Variants in SNX29 observed in about 807,000 individuals in gnomAD.
The protein encoded by SNX29 is sorting nexin-29.
SNX29 carries 78 observed loss-of-function variants against 102.1 expected under a neutral mutation model. The observed-to-expected ratio is 0.76, with a 90% CI of 0.64 to 0.92. The LOEUF (loss-of-function observed/expected upper bound fraction) is 0.92, where lower values mean the gene tolerates loss of function less well. SNX29 is among the 40% of genes least tolerant of loss of function. The probability of loss-of-function intolerance (pLI) is 0.00; values close to 1 mark genes in which losing one functional copy is unlikely to be tolerated. For synonymous variants in SNX29, 580 were observed against 414.5 expected (o/e 1.40, Z -4.85); for missense variants, 1,280 against 1,061.7 (o/e 1.21, Z -2.86).
intron 20 of SNX29, among the ~76,000 whole-genome samples, chr16:12,564,802 C>T (rs551261511): frequency 1.4e-4 from 22 of 151,886 alleles, no homozygotes; most frequent in Non-Finnish European, 7.4e-5. Context: ...ATGGTGTTGT[C>T]ATTCCAGAAG....
intron 20 of SNX29, among the ~76,000 whole-genome samples, chr16:12,552,323 A>G (rs1182391589): frequency 6.6e-6 from 1 of 151,908 alleles, no homozygotes; most frequent in African/African-American, 2.4e-5. Context: ...TGATAATGGA[A>G]CTCCTCTCCT....
At chr16:12,029,764 G>T in intron 4 of SNX29, 2 of 354,740 alleles carry the variant, frequency 5.6e-6, no homozygotes, top group Non-Finnish European at 1.1e-5. Flanking sequence ...GCTAATTTTT[G>T]TATTTTTAGT....
chr16:12,013,358 T>C (rs2056717830), intron 3 of SNX29, among the ~76,000 whole-genome samples: 1 of 149,856 alleles, frequency 6.7e-6, no homozygotes, highest in Admixed American at 6.7e-5. Context: ...AGATTATTGT[T>C]AGTGGCCAGG....
chr16:12,520,539 G>A (rs895466793), intron 19 of SNX29, among the ~76,000 whole-genome samples: 2 of 152,156 alleles, frequency 1.3e-5, no homozygotes, highest in Non-Finnish European at 2.9e-5. Context: ...TCTGAGAAAC[G>A]AGCATGAGTG....
At chr16:12,333,512 A>C (rs2081356983) in intron 15 of SNX29, among the ~76,000 whole-genome samples, 1 of 152,112 alleles carries the variant, frequency 6.6e-6, no homozygotes, top group Admixed American at 6.5e-5. Flanking sequence ...ATTACATCTG[A>C]TCAATGATCA....
chr16:12,555,427 T>G (rs1424864217), intron 20 of SNX29, among the ~76,000 whole-genome samples: 1 of 152,066 alleles, frequency 6.6e-6, no homozygotes, highest in African/African-American at 2.4e-5. Context: ...GGTTGCTTTG[T>G]AGGAGACACT....
chr16:12,254,330 T>C (rs1299197650), intron 14 of SNX29, among the ~76,000 whole-genome samples: 1 of 151,482 alleles, frequency 6.6e-6, no homozygotes, highest in Non-Finnish European at 1.5e-5. Context: ...CATTAAGATG[T>C]GGAAAAAAGG....
At chr16:12,245,156 T>C (rs939136012) in intron 14 of SNX29, among the ~76,000 whole-genome samples, 4 of 152,068 alleles carry the variant, frequency 2.6e-5, no homozygotes, top group African/African-American at 9.7e-5. Context: ...ATTCCTTAAG[T>C]AGTGGTTGAG....
intron 14 of SNX29, among the ~76,000 whole-genome samples, chr16:12,275,619 G>T (rs1209630339): frequency 6.6e-6 from 1 of 151,054 alleles, no homozygotes; most frequent in Non-Finnish European, 1.5e-5. Flanking sequence ...TCTCAGGTCT[G>T]TCAAGTTATT....
chr16:12,501,644 C>T (rs981689505), intron 19 of SNX29, among the ~76,000 whole-genome samples: 2 of 148,072 alleles, frequency 1.4e-5, no homozygotes, highest in Non-Finnish European at 3.0e-5. Flanking sequence ...ATCACTTGAA[C>T]CCGAGAGGCA....
intron 3 of SNX29, among the ~76,000 whole-genome samples, chr16:12,003,604 C>T (rs1008525958): frequency 1.5e-4 from 23 of 152,090 alleles, no homozygotes; most frequent in Admixed American, 8.5e-4. Flanking sequence ...CAGAACACAC[C>T]GAAACGTGGC....
chr16:12,570,862 G>A lies in SNX29; in HGVS notation c.*2233G>A, dbSNP rs1567229165. 8.6e-6 allele frequency: 2 copies of A among 231,886 alleles called. No individual in the cohort carries two copies. The highest frequency in any genetic ancestry group is 1.1e-4 in the Admixed American group (2 of 17,736). 14.4% of individuals were successfully genotyped at this position (231,886 alleles called of 1,614,324 possible). A position where few individuals can be genotyped will look rare whatever the true frequency, so the allele number is the denominator to read the frequency against. ...TGGTATTGAACTGGTGGGAGAAACT[G>A]CCTCCTACTTTTATAATACTGAATT... On this transcript the variant is annotated 3_prime_UTR_variant, in exon 21 of 21. Coordinates refer to ENST00000566228, the MANE Select transcript of SNX29 (RefSeq NM_032167.5).
intron 12 of SNX29, among the ~76,000 whole-genome samples, chr16:12,128,674 A>G (rs1420835605): frequency 1.3e-5 from 2 of 151,988 alleles, no homozygotes; most frequent in Non-Finnish European, 2.9e-5. Context: ...GCTGGTCTCA[A>G]ACTCCTGACC....
intron 16 of SNX29, among the ~76,000 whole-genome samples, chr16:12,389,536 T>G (rs942169140): frequency 1.3e-5 from 2 of 152,212 alleles, no homozygotes; most frequent in Non-Finnish European, 2.9e-5. Context: ...CCTGGCCATG[T>G]GGAACTGTGA....
intron 13 of SNX29, among the ~76,000 whole-genome samples, chr16:12,188,366 C>T (rs1286605564): frequency 6.6e-6 from 1 of 152,196 alleles, no homozygotes; most frequent in Non-Finnish European, 1.5e-5. Flanking sequence ...GCATTCCCGT[C>T]AGGGCTGTCT....
intron 1 of SNX29, among the ~76,000 whole-genome samples, chr16:11,993,375 A>G (rs535280528): frequency 6.6e-6 from 1 of 152,178 alleles, no homozygotes; most frequent in South Asian, 2.1e-4. Context: ...CTCCCAGGGC[A>G]GCAAACACAG....
chr16:12,089,944 C>T, intron 11 of SNX29: 1 of 263,296 alleles, frequency 3.8e-6, no homozygotes, highest in Middle Eastern at 5.2e-4. Flanking sequence ...GCCATACTCT[C>T]AGGCTGCTGA....
At chr16:12,078,750 C>A in intron 10 of SNX29, 83 bp from the exon 11 acceptor site, 2 of 1,210,994 alleles carry the variant, frequency 1.7e-6, no homozygotes, top group African/African-American at 1.5e-5. Flanking sequence ...CCGGAGTAAA[C>A]CGACCTCTGC....
At chr16:12,162,581 G>A (rs952888467) in intron 13 of SNX29, among the ~76,000 whole-genome samples, 4 of 152,156 alleles carry the variant, frequency 2.6e-5, no homozygotes, top group African/African-American at 9.7e-5. Context: ...AGAAATGTGT[G>A]GTAGGCACAT....
Sources: allele counts gnomAD v4.1 joint callset (sites outside exome capture counted in the v4.1 genomes callset), GRCh38; gene constraint gnomAD v4.1.1; transcripts MANE v1.5; gene names NCBI Gene and HGNC (gene_info 2026-07-23, HGNC 2026-07-21).